Variants in IL7 observed in about 807,000 individuals in gnomAD.
IL7 encodes interleukin 7.
A neutral mutation model predicts 21.6 loss-of-function variants in IL7; 3 were observed. The observed-to-expected ratio is 0.14, with a 90% CI of 0.06 to 0.36. The LOEUF is 0.36. Among genes scored for constraint, IL7 ranks in the 10% least tolerant of loss-of-function variants. The pLI is 1.00. For missense variants in IL7, 175 were observed against 200.2 expected (o/e 0.87, Z 0.76); for synonymous variants, 62 against 68.1 (o/e 0.91, Z 0.44).
At chr8:78,703,373 G>C (rs1278365729) in intron 3 of IL7, among the ~76,000 whole-genome samples, 1 of 152,094 alleles carries the variant, frequency 6.6e-6, no homozygotes, top group African/African-American at 2.4e-5. Flanking sequence ...TGTCAGTGAG[G>C]TGTTAAAGTC....
Position 78,805,025 on chromosome 8 carries a change from C to T in IL7, c.-103G>A, listed in dbSNP as rs773814586. ...AGGACCCTGGTCTTCCGCGGAGTTGCCGAGTCTGTGTTGGGCAGGGTGATC... is the reference window on the plus strand; with the variant it reads ...AGGACCCTGGTCTTCCGCGGAGTTGTCGAGTCTGTGTTGGGCAGGGTGATC... On this transcript the variant is annotated 5_prime_UTR_variant, in exon 1 of 6. Coordinates refer to ENST00000263851, the MANE Select transcript of IL7 (RefSeq NM_000880.4). The T allele has an allele frequency of 1.3e-4, 171 of 1,330,838 alleles. No homozygotes were observed. The highest frequency in any genetic ancestry group is 2.7e-5 in the Non-Finnish European group (26 of 959,290). 82.4% of individuals were successfully genotyped at this position (1,330,838 alleles called of 1,614,324 possible).
At chr8:78,738,364 A>T in intron 4 of IL7, 140 bp downstream of exon 4, 1 of 678,100 alleles carries the variant, frequency 1.5e-6, no homozygotes. Flanking sequence ...CTCTTCTAGG[A>T]TTGAGTAAAC....
intron 2 of IL7, among the ~76,000 whole-genome samples, chr8:78,754,851 G>A (rs905561106): frequency 6.6e-5 from 10 of 151,970 alleles, no homozygotes; most frequent in Non-Finnish European, 1.3e-4. Flanking sequence ...AGTCACATTT[G>A]TTTCTTTTTG....
intron 2 of IL7, among the ~76,000 whole-genome samples, chr8:78,741,796 T>G (rs1418153945): frequency 6.6e-6 from 1 of 152,210 alleles, no homozygotes; most frequent in Admixed American, 6.5e-5. Flanking sequence ...ATTTTATTAA[T>G]GCATCTAATA....
intron 2 of IL7, among the ~76,000 whole-genome samples, chr8:78,782,050 T>G (rs1013151053): frequency 6.6e-6 from 1 of 152,204 alleles, no homozygotes; most frequent in Non-Finnish European, 1.5e-5. Context: ...TTGTGTTGTA[T>G]TTTTCAGCTC....
In IL7 at chr8:78,795,821, G is replaced by A. The variant is rs187552420; in HGVS notation, c.147+2251C>T. Reference sequence around the variant, plus strand: ...TTTACTGTGCACTATTTTTTTTCTTGTCAATGGGCAAAATCAGGAACCTCT... The same window carrying A: ...TTTACTGTGCACTATTTTTTTTCTTATCAATGGGCAAAATCAGGAACCTCT... On this transcript the variant is annotated intron_variant, in intron 2 of 5. Transcript: ENST00000263851. Among the ~76,000 whole-genome samples, 47 of 151,828 alleles carry A rather than the reference G, an allele frequency of 3.1e-4. 1 individual carries two copies. The highest frequency in any genetic ancestry group is 1.0e-3 in the African/African-American group (42 of 41,460).
chr8:78,695,657 T>C (rs1421728279), intron 3 of IL7, among the ~76,000 whole-genome samples: 1 of 152,006 alleles, frequency 6.6e-6, no homozygotes, highest in Non-Finnish European at 1.5e-5. Flanking sequence ...TTTCTCTCTC[T>C]ATATATATAT....
intron 3 of IL7, among the ~76,000 whole-genome samples, chr8:78,695,512 T>C (rs1443864035): frequency 6.6e-6 from 1 of 152,196 alleles, no homozygotes; most frequent in Middle Eastern, 3.2e-3. Context: ...ACAGTTTGAG[T>C]GGGTCAGCAG....
At chr8:78,694,166 A>G (rs894636589) in intron 3 of IL7, among the ~76,000 whole-genome samples, 10 of 151,786 alleles carry the variant, frequency 6.6e-5, no homozygotes, top group African/African-American at 1.7e-4. Context: ...ATAGTTTGCA[A>G]TTTTCCATTA....
intron 2 of IL7, chr8:78,760,720 G>A: frequency 6.4e-7 from 1 of 1,560,784 alleles, no homozygotes; most frequent in Non-Finnish European, 8.7e-7. Flanking sequence ...AACTCTCAAA[G>A]GTTAGCTGAG....
intron 3 of IL7, among the ~76,000 whole-genome samples, chr8:78,687,559 C>G (rs899877379): frequency 1.5e-5 from 2 of 137,122 alleles, no homozygotes; most frequent in Non-Finnish European, 3.1e-5. Flanking sequence ...TTTATATTTA[C>G]ATAATAAATT....
intron 3 of IL7, among the ~76,000 whole-genome samples, chr8:78,703,388 A>G (rs369363610): frequency 1.3e-5 from 2 of 152,298 alleles, no homozygotes; most frequent in Admixed American, 6.5e-5. Context: ...AAAGTCTCCC[A>G]CTATTATCGT....
chr8:78,742,778 A>G (rs1015502270), intron 2 of IL7, among the ~76,000 whole-genome samples: 4 of 152,164 alleles, frequency 2.6e-5, no homozygotes, highest in African/African-American at 2.4e-5. Flanking sequence ...GGTTTGTTAC[A>G]TAGGTAAACT....
At chr8:78,725,734 G>C (rs1038899016) in intron 3 of IL7, among the ~76,000 whole-genome samples, 4 of 152,008 alleles carry the variant, frequency 2.6e-5, no homozygotes, top group African/African-American at 4.8e-5. Flanking sequence ...AATTTAAGAA[G>C]TATGCTTTGA....
chr8:78,789,110 A>G (rs888637068), intron 2 of IL7, among the ~76,000 whole-genome samples: 2 of 152,124 alleles, frequency 1.3e-5, no homozygotes, highest in Non-Finnish European at 2.9e-5. Context: ...ATGTATCTTT[A>G]TATTTAAAGT....
At chr8:78,689,455 A>G in intron 3 of IL7, 12 of 1,300,742 alleles carry the variant, frequency 9.2e-6, no homozygotes, top group Non-Finnish European at 8.1e-6. Flanking sequence ...TTTTCATGAC[A>G]TTAGACTATA....
intron 3 of IL7, among the ~76,000 whole-genome samples, chr8:78,687,713 TTTAC>T (rs1248212115): frequency 2.6e-4 from 24 of 91,706 alleles, no homozygotes; most frequent in Non-Finnish European, 3.3e-4. Flanking sequence ...TATATATATA[TTTAC>T]GTAATACATT....
At chr8:78,717,103 A>G (rs1326400747), downstream of IL7, among the ~76,000 whole-genome samples, 2 of 152,166 alleles carry the variant, frequency 1.3e-5, no homozygotes, top group East Asian at 3.9e-4. Flanking sequence ...GCATGGCTGC[A>G]TTTGGTCATG....
intron 2 of IL7, among the ~76,000 whole-genome samples, chr8:78,786,428 G>T (rs1260687429): frequency 6.6e-6 from 1 of 152,184 alleles, no homozygotes; most frequent in African/African-American, 2.4e-5. Context: ...ACTGCAAGTT[G>T]CTCTGGATGA....
Sources: gnomAD v4.1 joint callset for allele counts (sites outside exome capture counted in the v4.1 genomes callset) on GRCh38, gnomAD v4.1.1 for gene constraint, MANE v1.5 for transcripts, NCBI Gene and HGNC (gene_info 2026-07-23, HGNC 2026-07-21) for gene names.